Variants in TNS3 observed in about 807,000 individuals in gnomAD.
TNS3 encodes the protein tensin 3, also known as tensin-3.
Under a neutral mutation model 140.9 loss-of-function variants are expected in TNS3, and 45 were observed. That is an observed-to-expected ratio of 0.32 (90% CI 0.25 to 0.41). TNS3 has a LOEUF of 0.41. Among genes scored for constraint, TNS3 ranks in the 10% least tolerant of loss-of-function variants. The pLI, the probability that TNS3 is intolerant of heterozygous loss-of-function variation, is 1.00. For missense variants in TNS3, 1,716 were observed against 1,906.7 expected (o/e 0.90, Z 1.86); for synonymous variants, 815 against 788.4 (o/e 1.03, Z -0.56).
intron 2 of TNS3, among the ~76,000 whole-genome samples, chr7:47,519,876 T>A (rs948732567): frequency 5.6e-5 from 7 of 125,656 alleles, no homozygotes; most frequent in Non-Finnish European, 9.4e-5. Context: ...CAGGCTGGAG[T>A]GCAGTGGCAC....
intron 20 of TNS3, among the ~76,000 whole-genome samples, chr7:47,311,836 TAAG>T (rs1787123090): frequency 6.6e-6 from 1 of 151,968 alleles, no homozygotes; most frequent in South Asian, 2.1e-4. Context: ...ACAAAAAACC[TAAG>T]AAGGATTAAT....
At chr7:47,427,746 C>T (rs1315556207) in intron 9 of TNS3, among the ~76,000 whole-genome samples, 1 of 152,224 alleles carries the variant, frequency 6.6e-6, no homozygotes, top group Non-Finnish European at 1.5e-5. Context: ...CCTGGCTCTC[C>T]ACTCCTAGGC....
chr7:47,276,033 G>A lies in TNS3; in HGVS notation c.*2043C>T. 1 of 355,368 alleles carries A rather than the reference G, an allele frequency of 2.8e-6. No individual in the cohort carries two copies. Among genetic ancestry groups the A allele is most frequent in the South Asian group, 2.1e-5 (1 of 46,636 alleles). 22.0% of individuals were successfully genotyped at this position (355,368 alleles called of 1,614,324 possible). ...ATGGGTAGAGACCGTCTCAGGATGA[G>A]GACCTCTTGGGGAAAGTACAAACCT... On this transcript the variant is annotated 3_prime_UTR_variant, in exon 31 of 31. Transcript: ENST00000311160.
chr7:47,304,072 C>A (rs2150720190), intron 21 of TNS3, among the ~76,000 whole-genome samples: 1 of 152,328 alleles, frequency 6.6e-6, no homozygotes, highest in East Asian at 1.9e-4. Context: ...CACATTCATC[C>A]CCCGCAGCCA....
At chr7:47,337,102 G>A (rs960683328) in intron 20 of TNS3, among the ~76,000 whole-genome samples, 6 of 152,090 alleles carry the variant, frequency 3.9e-5, no homozygotes, top group Middle Eastern at 3.2e-3. Context: ...AGCAGAAACC[G>A]TGTTAGGCCA....
chr7:47,393,262 C>A (rs979214077), intron 16 of TNS3, among the ~76,000 whole-genome samples: 23 of 152,172 alleles, frequency 1.5e-4, no homozygotes, highest in African/African-American at 5.5e-4. Flanking sequence ...AATATTGATA[C>A]AAGCTTAAAT....
intron 13 of TNS3, among the ~76,000 whole-genome samples, chr7:47,409,550 G>A (rs889303350): frequency 6.6e-6 from 1 of 152,196 alleles, no homozygotes; most frequent in Non-Finnish European, 1.5e-5. Context: ...GGTTCAGGGA[G>A]CACCCGCCCT....
intron 20 of TNS3, among the ~76,000 whole-genome samples, chr7:47,308,562 T>A (rs1348649918): frequency 6.6e-6 from 1 of 152,212 alleles, no homozygotes; most frequent in Non-Finnish European, 1.5e-5. Flanking sequence ...ATGCTGGATA[T>A]TTTTGTATTC....
intron 16 of TNS3, among the ~76,000 whole-genome samples, chr7:47,375,585 C>T (rs2151188248): frequency 6.6e-6 from 1 of 152,284 alleles, no homozygotes; most frequent in South Asian, 2.1e-4. Context: ...ACGTGGCTTT[C>T]CCACAAGGAG....
At chr7:47,493,361 G>A (rs1458273329) in intron 3 of TNS3, among the ~76,000 whole-genome samples, 1 of 152,170 alleles carries the variant, frequency 6.6e-6, no homozygotes, top group Non-Finnish European at 1.5e-5. Flanking sequence ...AGTTTAAAAT[G>A]GAAGAAAAGG....
chr7:47,387,293 G>C (rs1792129902), intron 16 of TNS3, among the ~76,000 whole-genome samples: 2 of 152,222 alleles, frequency 1.3e-5, no homozygotes, highest in South Asian at 4.1e-4. Context: ...GAGAGAGACT[G>C]GGGCTGCTCC....
At chr7:47,422,392 T>C (rs1172841646) in intron 10 of TNS3, among the ~76,000 whole-genome samples, 1 of 152,068 alleles carries the variant, frequency 6.6e-6, no homozygotes, top group Non-Finnish European at 1.5e-5. Flanking sequence ...AGCAGAAGGA[T>C]TATTCAAGCT....
intron 16 of TNS3, among the ~76,000 whole-genome samples, chr7:47,383,666 A>G (rs918614273): frequency 3.9e-5 from 6 of 152,230 alleles, no homozygotes; most frequent in African/African-American, 1.4e-4. Context: ...ACATGCACTC[A>G]GGTTTTATAC....
intron 17 of TNS3, among the ~76,000 whole-genome samples, chr7:47,356,960 T>C (rs1203650702): frequency 1.3e-5 from 2 of 150,262 alleles, no homozygotes; most frequent in African/African-American, 4.9e-5. Context: ...TGGTGGCACA[T>C]GCCTGTCGTC....
In TNS3 at chr7:47,297,211, T is replaced by C. The variant is rs753446389; in HGVS notation, c.3547A>G (p.Ile1183Val). ...GGCTCCTTGTCCTTCAACATGGCGA[T>C]GGCTGGAGAAAGGGAGGAGAAAGAC... ...YKADISREQAIAMLKDKEPGS... is the reference protein window; with the variant it reads ...YKADISREQAVAMLKDKEPGS... Residue 1183 changes from isoleucine to valine, a missense_variant and splice_region_variant, in exon 24 of 31, where the codon ATC becomes GTC. Transcript: ENST00000311160. 14 of 1,609,878 alleles carry C rather than the reference T, an allele frequency of 8.7e-6. No homozygotes were observed. In the East Asian group the frequency reaches 2.7e-4, roughly 31 times the overall value.
chr7:47,452,170 T>A lies in TNS3; in HGVS notation c.-75-10115A>T, dbSNP rs560754416. ...TCAGGCCTCTGTGAGGCCCTGGAAA[T>A]GCACTTTATCCACAAGTTATTAGGA... On this transcript the variant is annotated intron_variant, in intron 4 of 30. Transcript: ENST00000311160. Among the ~76,000 whole-genome samples, 660 of 152,338 alleles carry A rather than the reference T, an allele frequency of 4.3e-3. 1 individual carries two copies. The highest frequency in any genetic ancestry group is 6.5e-3 in the Non-Finnish European group (443 of 68,034).
intron 2 of TNS3, among the ~76,000 whole-genome samples, chr7:47,517,059 G>A (rs749975289): frequency 1.4e-4 from 22 of 152,234 alleles, no homozygotes; most frequent in South Asian, 6.2e-4. Context: ...GCAAAACTCC[G>A]TCTCAAAAAC....
At chr7:47,559,892 G>C (rs1203553197) in intron 1 of TNS3, among the ~76,000 whole-genome samples, 1 of 152,154 alleles carries the variant, frequency 6.6e-6, no homozygotes, top group African/African-American at 2.4e-5. Flanking sequence ...CTGATGATCT[G>C]ATGAAGCTAC....
chr7:47,565,120 C>T (rs2152005006), intron 1 of TNS3, among the ~76,000 whole-genome samples: 1 of 151,840 alleles, frequency 6.6e-6, no homozygotes, highest in African/African-American at 2.4e-5. Flanking sequence ...CTCTGTCACC[C>T]AAGCTGGAGT....
Sources: gnomAD v4.1 joint callset for allele counts (sites outside exome capture counted in the v4.1 genomes callset) on GRCh38, gnomAD v4.1.1 for gene constraint, MANE v1.5 for transcripts, NCBI Gene and HGNC (gene_info 2026-07-23, HGNC 2026-07-21) for gene names.